Variants in TMIGD1 observed in about 807,000 individuals in gnomAD.
TMIGD1 encodes the protein transmembrane and immunoglobulin domain containing 1.
In TMIGD1, 29 loss-of-function variants were observed where a neutral mutation model predicts 27.5. That is an observed-to-expected ratio of 1.05 (90% CI 0.78 to 1.44). The LOEUF is 1.44. TMIGD1 is among the 40% of genes most tolerant of loss of function. The pLI is 0.00. For synonymous variants in TMIGD1, 109 were observed against 110.3 expected (o/e 0.99, Z 0.07); for missense variants, 334 against 310.6 (o/e 1.08, Z -0.57).
At chr17:30,329,197 T>G (rs1909888911) in intron 3 of TMIGD1, 54 bp downstream of exon 3, 16 of 1,578,640 alleles carry the variant, frequency 1.0e-5, no homozygotes, top group Non-Finnish European at 1.4e-5. Context: ...AACTACCACT[T>G]CATGTGTTAC....
chr17:30,332,276 G>A (rs1408907893), intron 1 of TMIGD1, 118 bp from the exon 2 acceptor site: 8 of 566,382 alleles, frequency 1.4e-5, no homozygotes, highest in East Asian at 3.1e-5. Flanking sequence ...CAGCTATAAC[G>A]GTACTACTTC....
At chr17:30,317,769 A>G (rs80105470) in intron 5 of TMIGD1, among the ~76,000 whole-genome samples, 14,413 of 151,544 alleles carry the variant, frequency 0.095, 962 homozygotes, top group Non-Finnish European at 0.15. Context: ...CAAAAAAAAA[A>G]AAGAAAAAAA....
intron 4 of TMIGD1, among the ~76,000 whole-genome samples, chr17:30,319,865 G>C (rs963225779): frequency 2.0e-5 from 3 of 152,016 alleles, no homozygotes; most frequent in Non-Finnish European, 4.4e-5. Flanking sequence ...AGGGAAGTAG[G>C]ACTCTAAGCA....
rs568872002 is a variant in TMIGD1, at chr17:30,333,595, G to A, written c.-26+405C>T. On this transcript the variant is annotated intron_variant, in intron 1 of 6. Coordinates refer to ENST00000328886, the MANE Select transcript of TMIGD1 (RefSeq NM_206832.3). ...ACTCTACTCCTCCCCTGTCCCAGGC[G>A]TGCCCTGACAGGAGTAAGTTTCATT... Among the ~76,000 whole-genome samples, 13 of 152,198 alleles carry A rather than the reference G, an allele frequency of 8.5e-5. No homozygotes were observed. The South Asian group carries it at 1.2e-3, about 15-fold the overall frequency.
At chr17:30,322,652 A>G (rs1408861553) in intron 4 of TMIGD1, among the ~76,000 whole-genome samples, 1 of 152,158 alleles carries the variant, frequency 6.6e-6, no homozygotes, top group Admixed American at 6.6e-5. Context: ...GGTGGCTACC[A>G]TCATGCCCGG....
intron 5 of TMIGD1, among the ~76,000 whole-genome samples, chr17:30,317,862 G>A (rs1318501761): frequency 6.6e-6 from 1 of 152,124 alleles, no homozygotes. Flanking sequence ...TTGAGCTCAG[G>A]AGTTCGAGAC....
chr17:30,327,776 G>A (rs1043355695), intron 3 of TMIGD1, among the ~76,000 whole-genome samples: 3 of 150,886 alleles, frequency 2.0e-5, no homozygotes, highest in Non-Finnish European at 4.4e-5. Context: ...GTCTCACTAT[G>A]TTATGTTTGT....
intron 1 of TMIGD1, 27 bp from the exon 2 acceptor site, chr17:30,332,185 T>G (rs1301611862): frequency 2.7e-6 from 4 of 1,481,714 alleles, no homozygotes; most frequent in Non-Finnish European, 3.7e-6. Context: ...GCAGTTGGTT[T>G]TGTACTTTGG....
At position 30,318,955 on chromosome 17, in the gene TMIGD1, T is replaced by C. The variant is rs199784621; in HGVS notation, c.641-42A>G. On this transcript the variant is annotated intron_variant, in intron 4 of 6. Coordinates refer to ENST00000328886, the MANE Select transcript of TMIGD1 (RefSeq NM_206832.3). ...CACAGGGAATAAGAATGAACATTTATATACTTCCAATACGTCCCAGCAATG... is the reference window on the plus strand; with the variant it reads ...CACAGGGAATAAGAATGAACATTTACATACTTCCAATACGTCCCAGCAATG... 3.6e-6 allele frequency: 5 copies of C among 1,393,674 alleles called. No homozygotes were observed. In the East Asian group the frequency reaches 1.1e-4, roughly 32 times the overall value. The allele number at this position is 1,393,674 out of a possible 1,614,324, so 86.3% of individuals were successfully genotyped here.
At chr17:30,320,733 C>T (rs1440969267) in intron 4 of TMIGD1, among the ~76,000 whole-genome samples, 1 of 152,152 alleles carries the variant, frequency 6.6e-6, no homozygotes, top group Non-Finnish European at 1.5e-5. Context: ...GTGGCATATC[C>T]GTAGTCCCAG....
rs1206359737 is a variant in TMIGD1 at position 30,329,431 on chromosome 17, T to C, written c.181A>G (p.Arg61Gly). 12 of 1,614,118 alleles carry C rather than the reference T, an allele frequency of 7.4e-6. No individual in the cohort carries two copies. The highest frequency in any genetic ancestry group is 1.3e-5 in the African/African-American group (1 of 74,932). The stretch of plus-strand genomic sequence containing the variant: ...CGGTACCAGAGCAGTTCTTCCTCTC[T>C]GGTGTGGTTTTGAACAGCACATATC... ...SLICAVQNHT[R>G]EEELLWYREE... The change falls in exon 3 of 7, where the codon AGA becomes GGA. Residue 61 changes from arginine to glycine, a missense_variant. Coordinates refer to ENST00000328886, the MANE Select transcript of TMIGD1 (RefSeq NM_206832.3).
chr17:30,324,477 G>A (rs1423549665), intron 4 of TMIGD1, among the ~76,000 whole-genome samples: 2 of 152,088 alleles, frequency 1.3e-5, no homozygotes, highest in African/African-American at 2.4e-5. Context: ...TGTTAGTTAT[G>A]AAGCTGTGAA....
At position 30,318,924 on chromosome 17, in the gene TMIGD1, T is replaced by C. The variant is rs1347143636; in HGVS notation, c.641-11A>G. 1 of 1,576,150 alleles carries C rather than the reference T, an allele frequency of 6.3e-7. No homozygotes were observed. The highest frequency in any genetic ancestry group is 2.2e-5 in the East Asian group (1 of 44,682). On this transcript the variant is annotated splice_polypyrimidine_tract_variant and intron_variant, in intron 4 of 6. Transcript: ENST00000328886. ...CACCCACAGTTTTATCTGTAGGAAA[T>C]GCAAACACAGGGAATAAGAATGAAC...
At chr17:30,321,664 G>A (rs543279183) in intron 4 of TMIGD1, among the ~76,000 whole-genome samples, 1 of 152,280 alleles carries the variant, frequency 6.6e-6, no homozygotes, top group South Asian at 2.1e-4. Flanking sequence ...TATTAGAAAG[G>A]AAACAGGGTC....
chr17:30,331,430 G>A (rs547888923), intron 2 of TMIGD1, among the ~76,000 whole-genome samples: 1 of 151,900 alleles, frequency 6.6e-6, no homozygotes, highest in South Asian at 2.1e-4. Flanking sequence ...CATGTGAAAT[G>A]GTATGTTCAG....
At chr17:30,328,991 GAAAAAAGAA>G (rs1909881001) in intron 3 of TMIGD1, among the ~76,000 whole-genome samples, 2 of 123,444 alleles carry the variant, frequency 1.6e-5, no homozygotes, top group South Asian at 2.6e-4. Flanking sequence ...AAGAAAGAAA[GAAAAAAGAA>G]AAAGAAAAAA....
chr17:30,317,585 C>T (rs910083757), intron 5 of TMIGD1, among the ~76,000 whole-genome samples: 1 of 151,862 alleles, frequency 6.6e-6, no homozygotes, highest in African/African-American at 2.4e-5. Context: ...ATGGTGAAAC[C>T]CTGTCTCTAC....
intron 3 of TMIGD1, among the ~76,000 whole-genome samples, chr17:30,325,835 T>C (rs1206908508): frequency 6.6e-6 from 1 of 152,182 alleles, no homozygotes; most frequent in Non-Finnish European, 1.5e-5. Context: ...CTGGCATCTG[T>C]GGAAGGCAAG....
chr17:30,318,097 C>A (rs1167538744), intron 5 of TMIGD1, among the ~76,000 whole-genome samples: 3 of 151,664 alleles, frequency 2.0e-5, no homozygotes, highest in African/African-American at 4.8e-5. Flanking sequence ...GAAAGGAAGA[C>A]AGAAAGAAAG....
Sources: allele counts gnomAD v4.1 joint callset (sites outside exome capture counted in the v4.1 genomes callset), GRCh38; gene constraint gnomAD v4.1.1; transcripts MANE v1.5; gene names NCBI Gene and HGNC (gene_info 2026-07-23, HGNC 2026-07-21).